The following NEGR1 variants were observed in gnomAD, a reference collection of about 807,000 sequenced individuals.
The protein encoded by NEGR1 is IgLON family member 4.
A neutral mutation model predicts 40.9 loss-of-function variants in NEGR1; 10 were observed. The observed-to-expected ratio is 0.24, with a 90% CI of 0.15 to 0.42. The LOEUF is 0.42. Among genes scored for constraint, NEGR1 ranks in the 10% least tolerant of loss-of-function variants. The pLI is 1.00. For missense variants in NEGR1, 352 were observed against 438.9 expected (o/e 0.80, Z 1.77); for synonymous variants, 185 against 166.8 (o/e 1.11, Z -0.84).
chr1:71,855,605 A>G (rs958473314), intron 2 of NEGR1, among the ~76,000 whole-genome samples: 15 of 152,192 alleles, frequency 9.9e-5, no homozygotes, highest in African/African-American at 3.4e-4. Flanking sequence ...TATTTTGATT[A>G]TGCTTAATTA....
chr1:71,952,670 A>T (rs1646081797), intron 1 of NEGR1, among the ~76,000 whole-genome samples: 1 of 151,886 alleles, frequency 6.6e-6, no homozygotes, highest in South Asian at 2.1e-4. Flanking sequence ...CTTTTATTGG[A>T]AGAAGGTGCC....
At chr1:72,001,767 A>C (rs1481270636) in intron 1 of NEGR1, among the ~76,000 whole-genome samples, 1 of 151,760 alleles carries the variant, frequency 6.6e-6, no homozygotes, top group Admixed American at 6.6e-5. Flanking sequence ...GGTTTGAAGA[A>C]AATGGAAAAG....
At chr1:71,816,268 G>A (rs945162219) in intron 2 of NEGR1, among the ~76,000 whole-genome samples, 4 of 151,964 alleles carry the variant, frequency 2.6e-5, no homozygotes, top group Admixed American at 2.0e-4. Flanking sequence ...CAAACTTTCT[G>A]TATGATTCCC....
At chr1:72,079,495 C>T (rs72680883) in intron 1 of NEGR1, among the ~76,000 whole-genome samples, 1 of 151,910 alleles carries the variant, frequency 6.6e-6, no homozygotes, top group Admixed American at 6.6e-5. Flanking sequence ...ATAAATCAGT[C>T]CTATTTAACA....
At chr1:71,693,985 T>A (rs1288786000) in intron 4 of NEGR1, among the ~76,000 whole-genome samples, 1 of 151,776 alleles carries the variant, frequency 6.6e-6, no homozygotes, top group Non-Finnish European at 1.5e-5. Context: ...GCTTTTTGAT[T>A]TTCACTGTGA....
At chr1:72,132,786 A>G (rs961761510) in intron 1 of NEGR1, among the ~76,000 whole-genome samples, 1 of 152,172 alleles carries the variant, frequency 6.6e-6, no homozygotes, top group Non-Finnish European at 1.5e-5. Flanking sequence ...TTTAAAACTG[A>G]AAATGGAATC....
chr1:71,752,563 C>A (rs1422944277), intron 3 of NEGR1, among the ~76,000 whole-genome samples: 3 of 152,118 alleles, frequency 2.0e-5, no homozygotes, highest in Non-Finnish European at 4.4e-5. Context: ...ATGTTTTCCT[C>A]TTTTGCATGA....
At chr1:72,069,199 C>G (rs996899590) in intron 1 of NEGR1, among the ~76,000 whole-genome samples, 1 of 151,958 alleles carries the variant, frequency 6.6e-6, no homozygotes, top group African/African-American at 2.4e-5. Context: ...TGTTTGAGCT[C>G]AAGAGTTCAA....
At chr1:71,520,782 G>T (rs1245310972) in intron 6 of NEGR1, among the ~76,000 whole-genome samples, 1 of 151,948 alleles carries the variant, frequency 6.6e-6, no homozygotes, top group Non-Finnish European at 1.5e-5. Context: ...GGCATGGCTG[G>T]GGCAGGGAAA....
In NEGR1 at chr1:71,730,569, T is replaced by TTATATATATATATATA. The variant is rs56382019; in HGVS notation, c.536-32446_536-32431dup. On this transcript the variant is annotated intron_variant, in intron 3 of 6. Coordinates refer to ENST00000357731, the MANE Select transcript of NEGR1 (RefSeq NM_173808.3). ...TTATATGTGTATATATAGTATAAAT[T>TTATATATATATATATA]TATATATATATATATATATATATAA... 9.3e-3 allele frequency among the ~76,000 whole-genome samples: 1,254 copies of TTATATATATATATATA among 134,592 alleles called. 8 individuals are homozygous for TTATATATATATATATA. The highest frequency in any genetic ancestry group is 0.014 in the Non-Finnish European group (914 of 63,578). 88.3% of individuals were successfully genotyped at this position (134,592 alleles called of 152,430 possible).
intron 2 of NEGR1, among the ~76,000 whole-genome samples, chr1:71,784,968 T>A (rs1426072083): frequency 1.3e-5 from 2 of 152,226 alleles, no homozygotes; most frequent in Non-Finnish European, 2.9e-5. Context: ...ACAACATGGT[T>A]ACACAAGAGT....
At chr1:72,045,277 A>T (rs577211630) in intron 1 of NEGR1, among the ~76,000 whole-genome samples, 2 of 151,988 alleles carry the variant, frequency 1.3e-5, no homozygotes, top group South Asian at 2.1e-4. Context: ...CTTTAGCATT[A>T]TATCAAATCA....
chr1:71,689,634 T>C (rs978348343), intron 4 of NEGR1, among the ~76,000 whole-genome samples: 1 of 152,064 alleles, frequency 6.6e-6, no homozygotes, highest in African/African-American at 2.4e-5. Context: ...TGGCAATCCA[T>C]ATATTTAAAA....
chr1:72,196,661 AAGT>A (rs1557573518), intron 1 of NEGR1, among the ~76,000 whole-genome samples: 1 of 127,694 alleles, frequency 7.8e-6, no homozygotes, highest in Non-Finnish European at 1.9e-5. Context: ...TCCCAGTTAC[AAGT>A]GATCAAGGAT....
intron 4 of NEGR1, among the ~76,000 whole-genome samples, chr1:71,697,182 C>A (rs1182772070): frequency 6.6e-6 from 1 of 151,652 alleles, no homozygotes. Flanking sequence ...TAGCAAGGAC[C>A]ATATATAGAA....
chr1:71,528,555 G>C (rs1199428579), intron 6 of NEGR1, among the ~76,000 whole-genome samples: 3 of 151,158 alleles, frequency 2.0e-5, no homozygotes, highest in Non-Finnish European at 4.4e-5. Context: ...CAGTAAACTA[G>C]CAAAGTGAAA....
At chr1:71,506,282 A>G (rs1647034373) in intron 6 of NEGR1, among the ~76,000 whole-genome samples, 1 of 145,192 alleles carries the variant, frequency 6.9e-6, no homozygotes, top group East Asian at 1.9e-4. Context: ...TCATCTTTAG[A>G]AAAAACATTC....
chr1:71,611,989 G>C (rs897022121), intron 4 of NEGR1, among the ~76,000 whole-genome samples: 1 of 152,192 alleles, frequency 6.6e-6, no homozygotes, highest in South Asian at 2.1e-4. Flanking sequence ...CTGGGAGGCC[G>C]AGGCGGGTGG....
intron 2 of NEGR1, among the ~76,000 whole-genome samples, chr1:71,872,915 G>T (rs1660319438): frequency 6.6e-6 from 1 of 151,814 alleles, no homozygotes; most frequent in Non-Finnish European, 1.5e-5. Flanking sequence ...TTCATTTCTT[G>T]TTTATTTTTC....
Sources: allele counts gnomAD v4.1 joint callset (sites outside exome capture counted in the v4.1 genomes callset), GRCh38; gene constraint gnomAD v4.1.1; transcripts MANE v1.5; gene names NCBI Gene and HGNC (gene_info 2026-07-23, HGNC 2026-07-21).